The following ZFYVE19 variants were observed in gnomAD, a reference collection of about 807,000 sequenced individuals.
ZFYVE19 encodes the protein abscission/NoCut checkpoint regulator.
In ZFYVE19, 49 loss-of-function variants were observed where a neutral mutation model predicts 62.8. The ratio of observed to expected loss-of-function variants is 0.78; its 90% CI spans 0.62 to 0.99. The LOEUF (loss-of-function observed/expected upper bound fraction) is 0.99. Ranked by LOEUF, ZFYVE19 falls within the 50% of genes least tolerant of loss-of-function variation. The pLI is 0.00. For missense variants in ZFYVE19, 630 were observed against 601.9 expected, an observed-to-expected ratio of 1.05 and a Z score of -0.49; for synonymous variants, 242 against 234.3, an observed-to-expected ratio of 1.03 and a Z score of -0.30.
In ZFYVE19 at chr15:40,807,279, T is replaced by A. The variant is rs762861528; in HGVS notation, c.-311T>A. The A allele has an allele frequency of 3.7e-5, 60 of 1,609,346 alleles. No individual in the cohort carries two copies. In the Middle Eastern group the frequency reaches 4.9e-4, roughly 13 times the overall value. ...TCCCCGCCCAGGACCCGAATGAACC[T>A]GGAGAGCGGATGCCAGCAGTGGCCG... On this transcript the variant is annotated 5_prime_UTR_variant, in exon 1 of 11. Transcript: ENST00000355341.
Position 40,810,702 on chromosome 15 carries a change from A to G in ZFYVE19, c.771A>G (p.Leu257=). 1 of 1,577,702 alleles carries G rather than the reference A, an allele frequency of 6.3e-7. No individual in the cohort carries two copies. ...RTQAQQTQDL[L]TQLAAEVAID... Reference sequence around the variant, plus strand: ...AAGCCCAGCAGACACAGGATCTGCTAACGCAGCTGGCAGCTGAGGTGGCTA... The same window carrying G: ...AAGCCCAGCAGACACAGGATCTGCTGACGCAGCTGGCAGCTGAGGTGGCTA... Residue 257 remains leucine, a synonymous_variant, in exon 6 of 11, where the codon CTA becomes CTG. Transcript: ENST00000355341.
In ZFYVE19 at chr15:40,814,515, A is replaced by G. The variant is rs1412070924; in HGVS notation, c.*289A>G. On this transcript the variant is annotated 3_prime_UTR_variant, in exon 11 of 11. Transcript: ENST00000355341. ...GAGCCCTGTAACCTGGCTCTAGGGC[A>G]CAGGCCCCTCCCCTGGCACTTAGTG... 1 of 491,084 alleles carries G rather than the reference A, an allele frequency of 2.0e-6. No homozygotes were observed. Among genetic ancestry groups the G allele is most frequent in the Non-Finnish European group, 3.7e-6 (1 of 268,966 alleles). 30.4% of individuals were successfully genotyped at this position (491,084 alleles called of 1,614,324 possible). A position where few individuals can be genotyped will look rare whatever the true frequency, so the allele number is the denominator to read the frequency against.
intron 1 of ZFYVE19, chr15:40,808,247 T>A: frequency 6.3e-7 from 1 of 1,595,608 alleles, no homozygotes; most frequent in Non-Finnish European, 8.5e-7. Flanking sequence ...ATCTTCCCCA[T>A]CCCGCAGCCT....
At chr15:40,810,356 G>C in intron 5 of ZFYVE19, 140 bp downstream of exon 5, 3 of 1,403,088 alleles carry the variant, frequency 2.1e-6, no homozygotes, top group Non-Finnish European at 1.9e-6. Flanking sequence ...AGTTACTTTT[G>C]CACCAACCTT....
Position 40,812,795 on chromosome 15 carries a change from T to A in ZFYVE19, c.923T>A (p.Leu308Gln). Residue 308 changes from leucine (L) to glutamine (Q), a missense_variant, in exon 7 of 11, where the codon CTG becomes CAG. Leu to Gln is a moderately radical substitution (Grantham distance 113). Transcript: ENST00000355341. ...TCCTTGGAGGAGGAGAAGAGCAGACTGCTGGCTGAGGCAGCACTTGAGTTG... is the reference window on the plus strand; with the variant it reads ...TCCTTGGAGGAGGAGAAGAGCAGACAGCTGGCTGAGGCAGCACTTGAGTTG... Reference protein sequence around the residue: ...NWSLEEEKSRLLAEAALELRE... With the variant: ...NWSLEEEKSRQLAEAALELRE... The A allele has an allele frequency of 6.2e-7, 1 of 1,613,590 alleles. No individual in the cohort carries two copies.
Position 40,807,346 on chromosome 15 carries a change from GC to G in ZFYVE19, c.-242del. On this transcript the variant is annotated 5_prime_UTR_variant, in exon 1 of 11. It removes the in-frame stop codon of an upstream open reading frame in the 5' UTR. Transcript: ENST00000355341. ...AGGACCGCCAGACCTCTCAAGATCA[GC>G]CTTCCTCGCCACCGTTCTCACCTCT... is the stretch of plus-strand genomic sequence containing the variant. The G allele has an allele frequency of 1.2e-6, 2 of 1,614,282 alleles. No individual in the cohort carries two copies. Among genetic ancestry groups the G allele is most frequent in the Non-Finnish European group, 1.7e-6 (2 of 1,180,054 alleles).
chr15:40,813,295 C>T (rs1452131789), intron 7 of ZFYVE19, 43 bp from the exon 8 acceptor site: 1 of 1,588,040 alleles, frequency 6.3e-7, no homozygotes, highest in African/African-American at 1.3e-5. Context: ...AAATCTCTCA[C>T]TCTCACTCCC....
chr15:40,813,585 G>A, intron 8 of ZFYVE19, 128 bp from the exon 9 acceptor site: 1 of 1,145,606 alleles, frequency 8.7e-7, no homozygotes, highest in East Asian at 2.6e-5. Context: ...TAGGGAATCA[G>A]CAGCCACAGG....
intron 6 of ZFYVE19, among the ~76,000 whole-genome samples, chr15:40,811,949 T>C (rs1423372668): frequency 6.6e-6 from 1 of 152,230 alleles, no homozygotes; most frequent in African/African-American, 2.4e-5. Flanking sequence ...CTTAGCTTCC[T>C]TCATTGCCCT....
intron 5 of ZFYVE19, 32 bp downstream of exon 5, chr15:40,810,248 G>A: frequency 6.2e-7 from 1 of 1,611,140 alleles, no homozygotes; most frequent in Non-Finnish European, 8.5e-7. Context: ...AGAAGCGGGG[G>A]TGCTAGCGGG....
At chr15:40,812,402 C>T (rs944061006) in intron 6 of ZFYVE19, among the ~76,000 whole-genome samples, 10 of 151,802 alleles carry the variant, frequency 6.6e-5, no homozygotes, top group South Asian at 6.3e-4. Flanking sequence ...AAAAATTAGC[C>T]GGGCATGGTG....
chr15:40,811,710 A>T (rs1451332288), intron 6 of ZFYVE19, among the ~76,000 whole-genome samples: 9 of 151,820 alleles, frequency 5.9e-5, no homozygotes, highest in Admixed American at 5.9e-4. Flanking sequence ...ACTCTGTTTA[A>T]AAAAAAAATC....
At chr15:40,809,088 AG>A (rs761325755) in intron 1 of ZFYVE19, 30 bp from the exon 2 acceptor site, 1 of 1,609,652 alleles carries the variant, frequency 6.2e-7, no homozygotes, top group Non-Finnish European at 8.5e-7. Context: ...GGCGGGTGAG[AG>A]GGGGATCTCC....
chr15:40,807,316 C>G lies in ZFYVE19; in HGVS notation c.-274C>G, dbSNP rs369149658. ...GCCAGCAGTGGCCGAGGCGCTAGGACAGGAAGGACCGCCAGACCTCTCAAG... is the reference window on the plus strand; with the variant it reads ...GCCAGCAGTGGCCGAGGCGCTAGGAGAGGAAGGACCGCCAGACCTCTCAAG... On this transcript the variant is annotated 5_prime_UTR_variant, in exon 1 of 11. Transcript: ENST00000355341. 1.9e-6 allele frequency: 3 copies of G among 1,614,126 alleles called. No individual in the cohort carries two copies. The highest frequency in any genetic ancestry group is 1.7e-6 in the Non-Finnish European group (2 of 1,179,986).
In ZFYVE19 at chr15:40,807,621, C is replaced by T. The variant is rs76010310; in HGVS notation, c.32C>T (p.Pro11Leu). 0.02 allele frequency: 32,672 copies of T among 1,612,978 alleles called. 1,068 individuals are homozygous for T. The highest frequency in any genetic ancestry group is 0.15 in the African/African-American group (11,245 of 75,006). ...TACGACTCCCAGCAGCCCCCGTTGCCGCCGCTGCCGTACGCTGGCTGCAGG... is the reference window on the plus strand; with the variant it reads ...TACGACTCCCAGCAGCCCCCGTTGCTGCCGCTGCCGTACGCTGGCTGCAGG... MNYDSQQPPL[P>L]PLPYAGCRRA... Residue 11 changes from proline to leucine, a missense_variant, in exon 1 of 11, where the codon CCG (proline) becomes CTG (leucine). By Grantham distance (98) the Pro-to-Leu change is moderately conservative. Coordinates refer to ENST00000355341, the MANE Select transcript of ZFYVE19 (RefSeq NM_001077268.2).
intron 6 of ZFYVE19, 23 bp downstream of exon 6, chr15:40,810,780 T>TA: frequency 6.4e-7 from 1 of 1,551,906 alleles, no homozygotes. Flanking sequence ...CTTGGCTCCC[T>TA]AGGAATCTGC....
Position 40,807,128 on chromosome 15 carries a change from G to A in ZFYVE19, c.-462G>A. On this transcript the variant is annotated 5_prime_UTR_variant, in exon 1 of 11. Coordinates refer to ENST00000355341, the MANE Select transcript of ZFYVE19 (RefSeq NM_001077268.2). Reference sequence around the variant, plus strand: ...CGCCCCGCGGCCTCTAGGAGACAGGGGCCACGGGGAGAGCACAGCCACCCG... The same window carrying A: ...CGCCCCGCGGCCTCTAGGAGACAGGAGCCACGGGGAGAGCACAGCCACCCG... The A allele has an allele frequency of 3.0e-6, 3 of 992,106 alleles. No homozygotes were observed. The highest frequency in any genetic ancestry group is 4.3e-6 in the Non-Finnish European group (3 of 694,696). 61.5% of individuals were successfully genotyped at this position (992,106 alleles called of 1,614,324 possible).
Position 40,809,914 on chromosome 15 carries a change from G to T in ZFYVE19, c.515G>T (p.Arg172Leu). The T allele has an allele frequency of 6.2e-7, 1 of 1,614,180 alleles. No homozygotes were observed. Among genetic ancestry groups the T allele is most frequent in the Non-Finnish European group, 8.5e-7 (1 of 1,180,040 alleles). ...PSTSQSQGLTRQDQMIAERLA... is the reference protein window; with the variant it reads ...PSTSQSQGLTLQDQMIAERLA... The stretch of plus-strand genomic sequence containing the variant: ...ACTTCCCAGAGCCAGGGACTGACAC[G>T]ACAAGACCAGATGATTGCTGAGCGC... The change falls in exon 4 of 11, where the codon CGA becomes CTA. Residue 172 changes from arginine (R) to leucine (L), a missense_variant. Physicochemically the swap from Arg to Leu is moderately radical, Grantham distance 102. Transcript: ENST00000355341.
intron 2 of ZFYVE19, 83 bp from the exon 3 acceptor site, chr15:40,809,325 G>T: frequency 6.2e-7 from 1 of 1,613,606 alleles, no homozygotes. Context: ...TCTGTCGCGA[G>T]AGTCAGCCGA....
Sources: gnomAD v4.1 joint callset for allele counts (sites outside exome capture counted in the v4.1 genomes callset) on GRCh38, gnomAD v4.1.1 for gene constraint, MANE v1.5 for transcripts, NCBI Gene and HGNC (gene_info 2026-07-23, HGNC 2026-07-21) for gene names.